The following ZFHX3 variants were observed in gnomAD, a reference collection of about 807,000 sequenced individuals.
The protein encoded by ZFHX3 is zinc finger homeobox protein 3.
Under a neutral mutation model 279.1 loss-of-function variants are expected in ZFHX3, and 42 were observed. The observed-to-expected ratio is 0.15, with a 90% CI of 0.12 to 0.19. ZFHX3 has a LOEUF of 0.19. ZFHX3 is among the 10% of genes least tolerant of loss of function. The pLI, the probability that ZFHX3 is intolerant of heterozygous loss-of-function variation, is 1.00. For synonymous variants in ZFHX3, 2,293 were observed against 1,957.8 expected (o/e 1.17, Z -4.52); for missense variants, 4,981 against 4,754.0 (o/e 1.05, Z -1.40).
intron 1 of ZFHX3, among the ~76,000 whole-genome samples, chr16:73,860,565 T>C (rs1961854993): frequency 6.6e-6 from 1 of 152,234 alleles, no homozygotes; most frequent in Non-Finnish European, 1.5e-5. Flanking sequence ...TAAAAAGACC[T>C]CTTGTCTACT....
At chr16:73,202,935 C>G (rs545261144) in intron 5 of ZFHX3, among the ~76,000 whole-genome samples, 1 of 142,840 alleles carries the variant, frequency 7.0e-6, no homozygotes, top group Non-Finnish European at 1.5e-5. Flanking sequence ...TTTGCCTCCA[C>G]GCCTTGACAT....
chr16:73,518,357 C>G (rs2019557749), intron 2 of ZFHX3, among the ~76,000 whole-genome samples: 1 of 152,178 alleles, frequency 6.6e-6, no homozygotes, highest in South Asian at 2.1e-4. Flanking sequence ...CTAGGATTTA[C>G]TTCTGTTATT....
rs1331281802 is a variant in ZFHX3 at position 73,173,006 on chromosome 16, TTG to T, written c.-1103-29177_-1103-29176del. ...TGGGACTGTTTTTTTGTTTTTTTTT[TTG>T]TTTTTTTTTTTTTTTTTTGGGAGGG... On this transcript the variant is annotated intron_variant, in intron 5 of 17. Transcript: ENST00000641206. Among the ~76,000 whole-genome samples, 170 of 55,454 alleles carry T rather than the reference TTG, an allele frequency of 3.1e-3. 16 individuals are homozygous for T. Among genetic ancestry groups the T allele is most frequent in the South Asian group, 5.0e-3 (8 of 1,616 alleles). 36.4% of individuals were successfully genotyped at this position (55,454 alleles called of 152,430 possible).
intron 9 of ZFHX3, chr16:72,790,590 C>CTGTT (rs2035657299): frequency 6.6e-6 from 1 of 152,232 alleles, no homozygotes; most frequent in Admixed American, 6.5e-5. Flanking sequence ...AGACAAACAG[C>CTGTT]TGTTAATACT....
chr16:73,803,895 C>T (rs947055952), intron 1 of ZFHX3, among the ~76,000 whole-genome samples: 1 of 152,172 alleles, frequency 6.6e-6, no homozygotes, highest in African/African-American at 2.4e-5. Context: ...CACAGTGGCT[C>T]ATGTCTGTAA....
At chr16:73,769,897 G>A (rs966025712) in intron 1 of ZFHX3, among the ~76,000 whole-genome samples, 2 of 152,120 alleles carry the variant, frequency 1.3e-5, no homozygotes, top group Non-Finnish European at 2.9e-5. Context: ...CACAGCTACA[G>A]CTCCAAAGGA....
At chr16:73,790,190 A>C (rs887762592) in intron 1 of ZFHX3, among the ~76,000 whole-genome samples, 1 of 152,032 alleles carries the variant, frequency 6.6e-6, no homozygotes, top group Non-Finnish European at 1.5e-5. Context: ...AATTGTTGGC[A>C]CTTCTCTCAA....
At chr16:73,560,199 C>A (rs2020348929) in intron 2 of ZFHX3, among the ~76,000 whole-genome samples, 2 of 152,094 alleles carry the variant, frequency 1.3e-5, no homozygotes, top group East Asian at 3.9e-4. Context: ...TTACAGGAAT[C>A]TTTTCAAGGA....
chr16:73,358,286 A>G (rs560321994), intron 3 of ZFHX3, among the ~76,000 whole-genome samples: 6 of 152,304 alleles, frequency 3.9e-5, no homozygotes, highest in African/African-American at 1.4e-4. Context: ...AATATGGCAA[A>G]AGTGAAGGCG....
intron 1 of ZFHX3, among the ~76,000 whole-genome samples, chr16:73,020,944 T>C (rs1238072566): frequency 2.0e-5 from 3 of 152,168 alleles, no homozygotes; most frequent in East Asian, 1.9e-4. Flanking sequence ...ATTTAGTCTC[T>C]GAGCTTTTCT....
rs140307518 is a variant in ZFHX3 at position 73,812,432 on chromosome 16, C to A, written c.-1608+79219G>T. ...ATGCACTATAGAAATGGTGTTCTTTCTCCTCCAGAAAGTCTTGCAAACTGA... is the reference window on the plus strand; with the variant it reads ...ATGCACTATAGAAATGGTGTTCTTTATCCTCCAGAAAGTCTTGCAAACTGA... On this transcript the variant is annotated intron_variant, in intron 1 of 17. Transcript: ENST00000641206. Among the ~76,000 whole-genome samples, 141 of 152,294 alleles carry A rather than the reference C, an allele frequency of 9.3e-4. 1 individual carries two copies. The highest frequency in any genetic ancestry group is 5.6e-3 in the East Asian group (29 of 5,182).
intron 3 of ZFHX3, among the ~76,000 whole-genome samples, chr16:72,944,015 C>T (rs540866600): frequency 2.0e-4 from 31 of 152,260 alleles, no homozygotes; most frequent in African/African-American, 7.5e-4. Flanking sequence ...AAAAGATTTT[C>T]CTGAATAAAA....
chr16:73,755,221 C>T (rs2053797551), intron 1 of ZFHX3, among the ~76,000 whole-genome samples: 1 of 152,134 alleles, frequency 6.6e-6, no homozygotes, highest in Non-Finnish European at 1.5e-5. Context: ...TTTGTTATCT[C>T]CTGAGATTTT....
chr16:73,348,963 T>C (rs2016171864), intron 3 of ZFHX3, among the ~76,000 whole-genome samples: 1 of 152,212 alleles, frequency 6.6e-6, no homozygotes, highest in Non-Finnish European at 1.5e-5. Flanking sequence ...GAAAATATAC[T>C]TTTAAAAGAA....
rs2035206905 is a variant in ZFHX3, at chr16:72,783,380, A to G, written c.*3784T>C. The G allele has an allele frequency of 6.6e-6, 1 of 152,442 alleles. No individual in the cohort carries two copies. The highest frequency in any genetic ancestry group is 1.5e-5 in the Non-Finnish European group (1 of 68,010). 9.4% of individuals were successfully genotyped at this position (152,442 alleles called of 1,614,324 possible). On this transcript the variant is annotated 3_prime_UTR_variant, in exon 10 of 10. Coordinates refer to ENST00000268489, the MANE Select transcript of ZFHX3 (RefSeq NM_006885.4). ...TCAGCGCCAACAAACAACTCAATTT[A>G]TGCTTCTATTTAAAATGTTTTAATT...
intron 2 of ZFHX3, among the ~76,000 whole-genome samples, chr16:73,596,823 C>A (rs988227389): frequency 3.9e-5 from 6 of 152,118 alleles, no homozygotes; most frequent in Non-Finnish European, 7.4e-5. Flanking sequence ...CTGCTATAGT[C>A]CTTAGTGTCT....
chr16:73,442,954 G>C (rs2018120258), intron 3 of ZFHX3, among the ~76,000 whole-genome samples: 1 of 152,154 alleles, frequency 6.6e-6, no homozygotes, highest in African/African-American at 2.4e-5. Flanking sequence ...GTCTCACCAT[G>C]TTGCCCAAGC....
intron 5 of ZFHX3, among the ~76,000 whole-genome samples, chr16:73,245,298 C>CT (rs1262027100): frequency 6.6e-6 from 1 of 152,154 alleles, no homozygotes; most frequent in Non-Finnish European, 1.5e-5. Flanking sequence ...TTAATACAGT[C>CT]TCGCTCTGTC....
At chr16:73,427,899 T>G (rs2143507832) in intron 3 of ZFHX3, among the ~76,000 whole-genome samples, 1 of 152,102 alleles carries the variant, frequency 6.6e-6, no homozygotes, top group Non-Finnish European at 1.5e-5. Flanking sequence ...GCCAAGATTG[T>G]GTCACTACAC....
Sources: gnomAD v4.1 joint callset for allele counts (sites outside exome capture counted in the v4.1 genomes callset) on GRCh38, gnomAD v4.1.1 for gene constraint, MANE v1.5 for transcripts, NCBI Gene and HGNC (gene_info 2026-07-23, HGNC 2026-07-21) for gene names.